NIM1K: variants seen among roughly 807,000 people sequenced by gnomAD.
NIM1K encodes serine/threonine-protein kinase NIM1.
A neutral mutation model predicts 37.1 loss-of-function variants in NIM1K; 35 were observed. The observed-to-expected ratio is 0.94, with a 90% CI of 0.72 to 1.25. NIM1K has a LOEUF of 1.25. Ranked by LOEUF, NIM1K falls within the 50% of genes most tolerant of loss-of-function variation. NIM1K has a pLI of 0.00. For synonymous variants in NIM1K, 234 were observed against 206.6 expected, an observed-to-expected ratio of 1.13 and a Z score of -1.14; for missense variants, 564 against 548.0, an observed-to-expected ratio of 1.03 and a Z score of -0.29.
chr5:43,272,519 TTGCA>T (rs138913801), intron 2 of NIM1K, among the ~76,000 whole-genome samples: 4,823 of 152,102 alleles, frequency 0.032, 274 homozygotes, highest in African/African-American at 0.11. Context: ...TAGGGAGCCC[TTGCA>T]GGGGAAGGAA....
intron 1 of NIM1K, among the ~76,000 whole-genome samples, chr5:43,244,664 G>A (rs1435530634): frequency 6.6e-6 from 1 of 152,128 alleles, no homozygotes; most frequent in Non-Finnish European, 1.5e-5. Context: ...GACAAGTTGT[G>A]CAAGAACATG....
intron 3 of NIM1K, 60 bp from the exon 4 acceptor site, chr5:43,279,920 A>G: frequency 7.3e-7 from 1 of 1,364,006 alleles, no homozygotes; most frequent in Non-Finnish European, 1.0e-6. Context: ...AGCAACTGAT[A>G]CATTTTTTAT....
intron 1 of NIM1K, among the ~76,000 whole-genome samples, chr5:43,213,034 G>A (rs1752225697): frequency 1.3e-5 from 2 of 151,944 alleles, no homozygotes; most frequent in Admixed American, 1.3e-4. Context: ...TTTGCCAGAG[G>A]GTGTATTCAG....
intron 1 of NIM1K, among the ~76,000 whole-genome samples, chr5:43,213,205 C>CT (rs1453879184): frequency 8.1e-5 from 4 of 49,452 alleles, no homozygotes; most frequent in African/African-American, 3.0e-4. Flanking sequence ...TTCTTTCTTT[C>CT]TTTCTTTCTT....
At chr5:43,258,825 T>C (rs1041935350) in intron 2 of NIM1K, among the ~76,000 whole-genome samples, 1 of 152,120 alleles carries the variant, frequency 6.6e-6, no homozygotes, top group African/African-American at 2.4e-5. Flanking sequence ...TTGGTTACAA[T>C]GATGAACTGT....
intron 2 of NIM1K, among the ~76,000 whole-genome samples, chr5:43,256,063 CAGGAGCCATCAGA>C (rs1481807855): frequency 2.0e-5 from 3 of 152,004 alleles, no homozygotes; most frequent in Non-Finnish European, 4.4e-5. Flanking sequence ...TGGGATTTTA[CAGGAGCCATCAGA>C]AGGAACTGGG....
At chr5:43,197,568 C>T (rs908637654) in intron 1 of NIM1K, among the ~76,000 whole-genome samples, 1 of 152,184 alleles carries the variant, frequency 6.6e-6, no homozygotes, top group African/African-American at 2.4e-5. Flanking sequence ...CAGATGTAAT[C>T]AACAGCGCCA....
chr5:43,232,844 T>C, intron 1 of NIM1K: 1 of 1,036,738 alleles, frequency 9.6e-7, no homozygotes, highest in Non-Finnish European at 1.5e-6. Context: ...TCCTGGCCAA[T>C]GGTGTAGTGC....
chr5:43,238,082 G>A lies in NIM1K; in HGVS notation c.-694-7000G>A, dbSNP rs374349870. ...TTTTGAGATGGAGTCTCGCTCTGTCGCCCAGGCTGGAGTGCAGTGGCACGA... is the reference window on the plus strand; with the variant it reads ...TTTTGAGATGGAGTCTCGCTCTGTCACCCAGGCTGGAGTGCAGTGGCACGA... On this transcript the variant is annotated intron_variant, in intron 1 of 3. Transcript: ENST00000326035. 3.2e-3 allele frequency among the ~76,000 whole-genome samples: 411 copies of A among 130,168 alleles called. 5 individuals carry two copies. Among genetic ancestry groups the A allele is most frequent in the Middle Eastern group, 0.011 (2 of 180 alleles). 85.4% of individuals were successfully genotyped at this position (130,168 alleles called of 152,430 possible).
intron 1 of NIM1K, among the ~76,000 whole-genome samples, chr5:43,224,764 T>C (rs1752429496): frequency 6.6e-6 from 1 of 151,334 alleles, no homozygotes; most frequent in African/African-American, 2.4e-5. Context: ...TGGCGCGATC[T>C]CGGCTCACTG....
At chr5:43,225,977 A>T (rs1466654232) in intron 1 of NIM1K, among the ~76,000 whole-genome samples, 3 of 152,248 alleles carry the variant, frequency 2.0e-5, no homozygotes, top group African/African-American at 7.2e-5. Flanking sequence ...TGAGTGGGTC[A>T]GTGAGGGAAG....
intron 1 of NIM1K, among the ~76,000 whole-genome samples, chr5:43,233,982 A>C (rs946379640): frequency 6.6e-6 from 1 of 152,204 alleles, no homozygotes; most frequent in Admixed American, 6.5e-5. Flanking sequence ...ATGATAAATG[A>C]GATGAAAATT....
chr5:43,208,414 C>T (rs1430044354), intron 1 of NIM1K, among the ~76,000 whole-genome samples: 1 of 151,882 alleles, frequency 6.6e-6, no homozygotes, highest in Non-Finnish European at 1.5e-5. Context: ...AACAGCCTGA[C>T]CAATATGGTG....
At chr5:43,271,007 T>C (rs1351910851) in intron 2 of NIM1K, among the ~76,000 whole-genome samples, 1 of 152,172 alleles carries the variant, frequency 6.6e-6, no homozygotes, top group Non-Finnish European at 1.5e-5. Flanking sequence ...GTTTATATCA[T>C]TTCCCCCATA....
chr5:43,246,680 G>A (rs932900252), intron 2 of NIM1K, among the ~76,000 whole-genome samples: 1 of 152,124 alleles, frequency 6.6e-6, no homozygotes, highest in African/African-American at 2.4e-5. Context: ...CCCTGCCCTA[G>A]CTCTCATTGT....
intron 1 of NIM1K, among the ~76,000 whole-genome samples, chr5:43,227,483 G>A (rs1752474118): frequency 6.6e-6 from 1 of 152,208 alleles, no homozygotes; most frequent in South Asian, 2.1e-4. Context: ...GCTGGAGATA[G>A]AACTGTGTAA....
intron 2 of NIM1K, among the ~76,000 whole-genome samples, chr5:43,249,068 A>G (rs971233533): frequency 6.9e-6 from 1 of 144,964 alleles, no homozygotes; most frequent in African/African-American, 2.6e-5. Context: ...TTATTTATTT[A>G]TTTATTTATT....
chr5:43,214,813 C>CAAAAA (rs369233525), intron 1 of NIM1K, among the ~76,000 whole-genome samples: 3 of 71,728 alleles, frequency 4.2e-5, no homozygotes, highest in Middle Eastern at 8.6e-3. Context: ...GACTCCGTCT[C>CAAAAA]AAAAAAAAAA....
At chr5:43,225,251 C>A (rs1335227174) in intron 1 of NIM1K, among the ~76,000 whole-genome samples, 1 of 83,080 alleles carries the variant, frequency 1.2e-5, no homozygotes, top group Non-Finnish European at 2.2e-5. Flanking sequence ...CAGAAAGAGA[C>A]CCTCTTTCCA....
Sources: gnomAD v4.1 joint callset for allele counts (sites outside exome capture counted in the v4.1 genomes callset) on GRCh38, gnomAD v4.1.1 for gene constraint, MANE v1.5 for transcripts, NCBI Gene and HGNC (gene_info 2026-07-23, HGNC 2026-07-21) for gene names.